RANBP2: variants seen among roughly 807,000 people sequenced by gnomAD.
RANBP2 encodes RAN binding protein 2.
A neutral mutation model predicts 303.6 loss-of-function variants in RANBP2; 57 were observed. The observed-to-expected ratio is 0.19, with a 90% CI of 0.15 to 0.23. The LOEUF is 0.23. RANBP2 is among the 10% of genes least tolerant of loss of function. The pLI is 1.00. For synonymous variants in RANBP2, 1,167 were observed against 1,301.5 expected (o/e 0.90, Z 2.23); for missense variants, 3,138 against 3,780.8 (o/e 0.83, Z 4.46).
chr2:109,540,645 T>C, the RANBP2 span, among the ~76,000 whole-genome samples: 1 of 150,510 alleles, frequency 6.6e-6, no homozygotes, highest in Non-Finnish European at 1.5e-5. Flanking sequence ...GGTGAGACTC[T>C]GTCTCTACCA....
chr2:109,077,162 T>C, the RANBP2 span, among the ~76,000 whole-genome samples: 1 of 150,598 alleles, frequency 6.6e-6, no homozygotes, highest in Admixed American at 6.6e-5. Flanking sequence ...TAAATGGTTT[T>C]GGAAAAACTG....
downstream of RANBP2, chr2:108,788,988 C>T (rs767999861): frequency 6.2e-7 from 1 of 1,612,864 alleles, no homozygotes; most frequent in Non-Finnish European, 8.5e-7. Flanking sequence ...TGAAACTTTA[C>T]TGTTGCTACC....
At chr2:109,648,411 T>TG in the RANBP2 span, among the ~76,000 whole-genome samples, 1 of 152,046 alleles carries the variant, frequency 6.6e-6, no homozygotes, top group Middle Eastern at 3.4e-3. Flanking sequence ...GAATGCATGA[T>TG]GCAATCTCGG....
chr2:108,983,065 C>T, the RANBP2 span, among the ~76,000 whole-genome samples: 13 of 152,144 alleles, frequency 8.5e-5, no homozygotes, highest in African/African-American at 2.4e-4. Context: ...GCAAATCTAC[C>T]GATGCACAAT....
chr2:109,471,371 G>A, the RANBP2 span, among the ~76,000 whole-genome samples: 1 of 152,170 alleles, frequency 6.6e-6, no homozygotes, highest in African/African-American at 2.4e-5. Context: ...CAAGGCGGCA[G>A]GAGAGAGAAG....
At chr2:109,528,422 C>T in the RANBP2 span, among the ~76,000 whole-genome samples, 3 of 152,246 alleles carry the variant, frequency 2.0e-5, 1 homozygote, top group South Asian at 4.1e-4. Flanking sequence ...AAAGTGTCGT[C>T]AGAGCCCAAT....
chr2:108,833,388 G>A, the RANBP2 span, among the ~76,000 whole-genome samples: 1 of 152,210 alleles, frequency 6.6e-6, no homozygotes, highest in East Asian at 1.9e-4. Context: ...AGTACACTCA[G>A]AAACCTAAAA....
At chr2:109,613,661 G>A in the RANBP2 span, 1 of 551,780 alleles carries the variant, frequency 1.8e-6, no homozygotes, top group Non-Finnish European at 2.6e-6. Flanking sequence ...GGAAGCCGGG[G>A]AGCACTGGGC....
At chr2:109,436,909 G>A in the RANBP2 span, 3 of 1,613,494 alleles carry the variant, frequency 1.9e-6, no homozygotes, top group Non-Finnish European at 1.7e-6. Flanking sequence ...TGCAGGAGGG[G>A]CAGGGCCGCC....
At chr2:109,430,583 C>T in the RANBP2 span, among the ~76,000 whole-genome samples, 3 of 152,160 alleles carry the variant, frequency 2.0e-5, no homozygotes, top group Non-Finnish European at 4.4e-5. Context: ...GTTCTCCTCT[C>T]CTCCCCTCCA....
At chr2:108,896,792 C>T in the RANBP2 span, 20 of 1,028,256 alleles carry the variant, frequency 1.9e-5, no homozygotes, top group South Asian at 4.6e-5. Context: ...CTAAGGCATA[C>T]GGTGACATAT....
chr2:109,316,840 T>C, the RANBP2 span, among the ~76,000 whole-genome samples: 1 of 152,186 alleles, frequency 6.6e-6, no homozygotes, highest in African/African-American at 2.4e-5. Flanking sequence ...CTGCCGTGGG[T>C]CTTTGTACTG....
the RANBP2 span, among the ~76,000 whole-genome samples, chr2:109,106,078 G>T: frequency 1.3e-5 from 2 of 151,440 alleles, no homozygotes; most frequent in African/African-American, 2.4e-5. Context: ...AGCTAAGATG[G>T]TCTAGATCTC....
chr2:109,278,463 C>T, the RANBP2 span, among the ~76,000 whole-genome samples: 10 of 152,100 alleles, frequency 6.6e-5, no homozygotes, highest in Admixed American at 2.0e-4. Flanking sequence ...TAAATGTGCC[C>T]GATGAACAAA....
chr2:109,413,633 G>A, the RANBP2 span, among the ~76,000 whole-genome samples: 3 of 152,188 alleles, frequency 2.0e-5, no homozygotes, highest in Non-Finnish European at 2.9e-5. Flanking sequence ...GTATGAGAAC[G>A]TCTCTGGCCC....
chr2:108,888,809 G>A, the RANBP2 span, among the ~76,000 whole-genome samples: 2 of 151,562 alleles, frequency 1.3e-5, no homozygotes, highest in African/African-American at 4.8e-5. Flanking sequence ...ATTTAGTCCT[G>A]CTCTGATCTT....
At chr2:108,723,483 G>A (rs1694447193) in intron 1 of RANBP2, among the ~76,000 whole-genome samples, 1 of 151,924 alleles carries the variant, frequency 6.6e-6, no homozygotes, top group Non-Finnish European at 1.5e-5. Flanking sequence ...CACCGTGTTA[G>A]CCAGGATAGT....
chr2:109,238,494 TGTGTGAGA>T, the RANBP2 span, among the ~76,000 whole-genome samples: 1 of 136,056 alleles, frequency 7.3e-6, no homozygotes, highest in African/African-American at 2.9e-5. Context: ...TGTGTGTGTG[TGTGTGAGA>T]GTGAGACAGA....
chr2:109,061,412 G>A, the RANBP2 span, among the ~76,000 whole-genome samples: 2 of 152,072 alleles, frequency 1.3e-5, no homozygotes, highest in African/African-American at 4.8e-5. Context: ...TCCTTCCTTT[G>A]GAGTCATCTT....
Sources: gnomAD v4.1 joint callset for allele counts (sites outside exome capture counted in the v4.1 genomes callset) on GRCh38, gnomAD v4.1.1 for gene constraint, MANE v1.5 for transcripts, NCBI Gene and HGNC (gene_info 2026-07-23, HGNC 2026-07-21) for gene names.